The following KLHL32 variants were observed in gnomAD, a reference collection of about 807,000 sequenced individuals.
The protein encoded by KLHL32 is kelch like family member 32, also known as kelch-like protein 32.
KLHL32 carries 35 observed loss-of-function variants against 64.8 expected under a neutral mutation model. The observed-to-expected ratio is 0.54, with a 90% CI of 0.41 to 0.72. The LOEUF (loss-of-function observed/expected upper bound fraction) is 0.72. KLHL32 is among the 30% of genes least tolerant of loss of function. The probability of loss-of-function intolerance (pLI) is 0.00; values close to 1 mark genes in which losing one functional copy is unlikely to be tolerated. For synonymous variants in KLHL32, 259 were observed against 281.0 expected (o/e 0.92, Z 0.78); for missense variants, 589 against 768.5 (o/e 0.77, Z 2.76).
intron 3 of KLHL32, among the ~76,000 whole-genome samples, chr6:97,003,837 C>A (rs1779343498): frequency 6.6e-6 from 1 of 152,070 alleles, no homozygotes; most frequent in Non-Finnish European, 1.5e-5. Flanking sequence ...CTATTCTGTT[C>A]CGTTGGTCTA....
rs1769701547 is a variant in KLHL32 at position 96,930,295 on chromosome 6, A to G, written c.-66+5269A>G. Among the ~76,000 whole-genome samples the G allele has an allele frequency of 2.0e-5, 3 of 152,130 alleles. No homozygotes were observed. The South Asian group carries it at 6.2e-4, about 31-fold the overall frequency. On this transcript the variant is annotated intron_variant, in intron 1 of 10. Coordinates refer to ENST00000369261, the MANE Select transcript of KLHL32 (RefSeq NM_052904.4). ...TTTATGATTTTTAGTTCTACAATTGAAAGTGCAAGGTAGCATGGCACAACC... is the reference window on the plus strand; with the variant it reads ...TTTATGATTTTTAGTTCTACAATTGGAAGTGCAAGGTAGCATGGCACAACC...
intron 1 of KLHL32, among the ~76,000 whole-genome samples, chr6:96,929,861 G>C (rs1298990272): frequency 6.6e-6 from 1 of 152,182 alleles, no homozygotes; most frequent in African/African-American, 2.4e-5. Context: ...AGCATTGAAA[G>C]CTGTAAATTT....
In KLHL32 at chr6:97,085,350, G is replaced by A. The variant is rs752023832; in HGVS notation, c.627+9G>A. 56 of 1,610,798 alleles carry A rather than the reference G, an allele frequency of 3.5e-5. No homozygotes were observed. Among genetic ancestry groups the A allele is most frequent in the Non-Finnish European group, 4.1e-5 (48 of 1,178,880 alleles). ...AAGAGCAGATCTGGCAGGTAAGGGC[G>A]CTGTGCACGGTCGCTTTTGGCACTG... On this transcript the variant is annotated intron_variant, in intron 6 of 10. Transcript: ENST00000369261.
chr6:97,085,362 C>G (rs777878782), intron 6 of KLHL32, 21 bp downstream of exon 6: 5 of 1,602,344 alleles, frequency 3.1e-6, no homozygotes, highest in Middle Eastern at 2.2e-4. Flanking sequence ...TGTGCACGGT[C>G]GCTTTTGGCA....
chr6:97,100,550 C>G (rs879914537), intron 6 of KLHL32, among the ~76,000 whole-genome samples: 1 of 152,132 alleles, frequency 6.6e-6, no homozygotes, highest in Non-Finnish European at 1.5e-5. Flanking sequence ...TTAAAGTTAC[C>G]TTTGACTATT....
chr6:96,906,375 G>A, the KLHL32 span, among the ~76,000 whole-genome samples: 1 of 152,162 alleles, frequency 6.6e-6, no homozygotes, highest in Non-Finnish European at 1.5e-5. Context: ...TAAAGAGACC[G>A]GGAGAATGGG....
intron 5 of KLHL32, among the ~76,000 whole-genome samples, chr6:97,065,308 T>C (rs1362113240): frequency 6.6e-6 from 1 of 152,216 alleles, no homozygotes; most frequent in African/African-American, 2.4e-5. Flanking sequence ...GTGTTCACAG[T>C]TGTTTCACAT....
chr6:97,065,857 G>A (rs1406862674), intron 5 of KLHL32, among the ~76,000 whole-genome samples: 2 of 152,074 alleles, frequency 1.3e-5, no homozygotes, highest in African/African-American at 4.8e-5. Context: ...TGGAAAATAG[G>A]AACCAGCACT....
intron 4 of KLHL32, among the ~76,000 whole-genome samples, chr6:97,044,979 A>G (rs1785705367): frequency 6.6e-6 from 1 of 151,214 alleles, no homozygotes; most frequent in South Asian, 2.1e-4. Flanking sequence ...AATCTTTTCT[A>G]TTGTCTTTGT....
At chr6:97,088,695 T>C (rs997240023) in intron 6 of KLHL32, among the ~76,000 whole-genome samples, 1 of 152,202 alleles carries the variant, frequency 6.6e-6, no homozygotes, top group African/African-American at 2.4e-5. Context: ...AATCATCATA[T>C]TGTACACCTT....
chr6:96,983,773 C>CTTCTTTA (rs1776651701), intron 3 of KLHL32, among the ~76,000 whole-genome samples: 1 of 152,026 alleles, frequency 6.6e-6, no homozygotes, highest in South Asian at 2.1e-4. Context: ...TTCTTCTTTT[C>CTTCTTTA]TTCTTTATTA....
intron 1 of KLHL32, among the ~76,000 whole-genome samples, chr6:96,932,265 T>C (rs1383285924): frequency 6.6e-6 from 1 of 151,666 alleles, no homozygotes; most frequent in African/African-American, 2.4e-5. Context: ...TGTTTTTTTT[T>C]TCCATGAAAA....
intron 3 of KLHL32, among the ~76,000 whole-genome samples, chr6:97,027,270 AT>A (rs1402045670): frequency 6.6e-6 from 1 of 152,090 alleles, no homozygotes; most frequent in Non-Finnish European, 1.5e-5. Context: ...CCTGGTCCCT[AT>A]TTATACCCAT....
intron 5 of KLHL32, among the ~76,000 whole-genome samples, chr6:97,068,093 T>C (rs2128158740): frequency 6.6e-6 from 1 of 152,244 alleles, no homozygotes; most frequent in African/African-American, 2.4e-5. Flanking sequence ...TATTGGCAAC[T>C]GAATTTTGTG....
chr6:96,939,048 T>G (rs1164677919), intron 1 of KLHL32, among the ~76,000 whole-genome samples: 1 of 152,142 alleles, frequency 6.6e-6, no homozygotes, highest in East Asian at 1.9e-4. Context: ...CCATCTACAT[T>G]TTCCATTACT....
rs776345684 is a variant in KLHL32 at position 97,130,757 on chromosome 6, A to C, written c.1414A>C (p.Asn472His). Residue 472 changes from asparagine to histidine, a missense_variant and splice_region_variant, in exon 9 of 11, where the codon AAT becomes CAT. Around this residue, in one of 3 missense-constraint regions of KLHL32, gnomAD observed 172 missense variants for 192.0 expected, o/e 0.90. Coordinates refer to ENST00000369261, the MANE Select transcript of KLHL32 (RefSeq NM_052904.4). ...AATACACTTAAATTTCTTTTTTCAG[A>C]ATAAGTGGATAAGCCGTAGCCCCAT... ...NRLMVYEPNQ[N>H]KWISRSPMLQ... The C allele has an allele frequency of 6.3e-7, 1 of 1,598,958 alleles. No individual in the cohort carries two copies.
chr6:97,052,127 A>C (rs1787013675), intron 4 of KLHL32, among the ~76,000 whole-genome samples: 1 of 152,226 alleles, frequency 6.6e-6, no homozygotes, highest in Admixed American at 6.5e-5. Context: ...CAAACGAAAG[A>C]AGTTTGTGTT....
At chr6:96,998,442 A>C (rs1778650996) in intron 3 of KLHL32, among the ~76,000 whole-genome samples, 1 of 152,172 alleles carries the variant, frequency 6.6e-6, no homozygotes, top group Non-Finnish European at 1.5e-5. Context: ...AATTAATAAA[A>C]ATAATAGTAA....
At chr6:97,035,114 CTATT>C (rs1313062763) in intron 3 of KLHL32, among the ~76,000 whole-genome samples, 13 of 151,944 alleles carry the variant, frequency 8.6e-5, no homozygotes, top group Admixed American at 5.9e-4. Context: ...TGATTCTTCT[CTATT>C]TATCTTTTGT....
Sources: gnomAD v4.1 joint callset for allele counts (sites outside exome capture counted in the v4.1 genomes callset) on GRCh38, gnomAD v4.1.1 for gene constraint, gnomAD v4.1.1 regional missense constraint, MANE v1.5 for transcripts, NCBI Gene and HGNC (gene_info 2026-07-23, HGNC 2026-07-21) for gene names.